NDUFAF2: variants seen among roughly 807,000 people sequenced by gnomAD.
NDUFAF2 encodes NADH dehydrogenase [ubiquinone] 1 alpha subcomplex assembly factor 2.
A neutral mutation model predicts 22.8 loss-of-function variants in NDUFAF2; 13 were observed. The observed-to-expected ratio is 0.57, with a 90% CI of 0.37 to 0.91. The LOEUF is 0.91. Among genes scored for constraint, NDUFAF2 ranks in the 40% least tolerant of loss-of-function variants. The pLI, the probability that NDUFAF2 is intolerant of heterozygous loss-of-function variation, is 0.01. For missense variants in NDUFAF2, 162 were observed against 195.2 expected (o/e 0.83, Z 1.01); for synonymous variants, 53 against 64.2 (o/e 0.83, Z 0.84).
chr5:61,006,522 T>C (rs191841567), intron 1 of NDUFAF2, among the ~76,000 whole-genome samples: 120 of 152,264 alleles, frequency 7.9e-4, no homozygotes, highest in African/African-American at 2.7e-3. Context: ...AATCTATAAA[T>C]TACCTTGGGC....
At chr5:60,958,603 A>G (rs1750647609) in intron 1 of NDUFAF2, among the ~76,000 whole-genome samples, 1 of 152,150 alleles carries the variant, frequency 6.6e-6, no homozygotes, top group South Asian at 2.1e-4. Flanking sequence ...AATGTACTTT[A>G]TATGCATGTG....
intron 1 of NDUFAF2, among the ~76,000 whole-genome samples, chr5:60,988,302 T>C (rs1462913190): frequency 6.6e-6 from 1 of 152,180 alleles, no homozygotes; most frequent in Non-Finnish European, 1.5e-5. Context: ...TGAGAAAACA[T>C]TTCGTGTTCA....
At chr5:60,965,735 A>T (rs1321540161) in intron 1 of NDUFAF2, among the ~76,000 whole-genome samples, 1 of 152,182 alleles carries the variant, frequency 6.6e-6, no homozygotes, top group South Asian at 2.1e-4. Flanking sequence ...TCCATTGTGT[A>T]TATATACCAC....
At chr5:61,107,090 C>CACACACAT (rs918380662) in intron 3 of NDUFAF2, among the ~76,000 whole-genome samples, 8 of 146,044 alleles carry the variant, frequency 5.5e-5, no homozygotes, top group South Asian at 2.1e-4. Context: ...CACACACACA[C>CACACACAT]ATATATGCCT....
chr5:60,994,977 A>G (rs1580085596), intron 1 of NDUFAF2, among the ~76,000 whole-genome samples: 1 of 152,116 alleles, frequency 6.6e-6, no homozygotes, highest in African/African-American at 2.4e-5. Context: ...TCTGCTGTCA[A>G]GGGACTCTGC....
At chr5:61,043,024 A>G (rs1169831540) in intron 1 of NDUFAF2, among the ~76,000 whole-genome samples, 1 of 152,188 alleles carries the variant, frequency 6.6e-6, no homozygotes, top group East Asian at 1.9e-4. Flanking sequence ...GTTCAAGACA[A>G]GCCTGGCCAA....
intron 2 of NDUFAF2, among the ~76,000 whole-genome samples, chr5:61,084,014 T>A (rs967913300): frequency 6.6e-6 from 1 of 151,720 alleles, no homozygotes; most frequent in African/African-American, 2.4e-5. Flanking sequence ...TGAGTAGAAC[T>A]GGTAAAAGTG....
intron 1 of NDUFAF2, among the ~76,000 whole-genome samples, chr5:61,053,296 C>T (rs1331094986): frequency 6.6e-6 from 1 of 152,200 alleles, no homozygotes; most frequent in Non-Finnish European, 1.5e-5. Flanking sequence ...TTTGTTACTG[C>T]AGCTTAGCCA....
intron 3 of NDUFAF2, among the ~76,000 whole-genome samples, chr5:61,108,735 G>A (rs940978891): frequency 5.3e-5 from 8 of 152,078 alleles, no homozygotes; most frequent in Non-Finnish European, 1.0e-4. Flanking sequence ...CCTAATATAT[G>A]TTCTTGATAC....
intron 1 of NDUFAF2, among the ~76,000 whole-genome samples, chr5:61,023,562 C>A (rs566631281): frequency 2.6e-5 from 4 of 152,136 alleles, no homozygotes; most frequent in African/African-American, 4.8e-5. Context: ...TTTACATCTA[C>A]ATCTTTTGGT....
chr5:61,117,693 A>G (rs80296185), intron 3 of NDUFAF2, among the ~76,000 whole-genome samples: 1 of 152,152 alleles, frequency 6.6e-6, no homozygotes, highest in South Asian at 2.1e-4. Context: ...AAAAAAAAGA[A>G]TGTTAAAAAG....
chr5:61,108,218 T>C (rs1181057055), intron 3 of NDUFAF2, among the ~76,000 whole-genome samples: 1 of 148,938 alleles, frequency 6.7e-6, no homozygotes, highest in Non-Finnish European at 1.5e-5. Flanking sequence ...ATATACCCAG[T>C]AATGGGATGG....
intron 3 of NDUFAF2, among the ~76,000 whole-genome samples, chr5:61,133,779 C>T (rs1399194335): frequency 6.6e-6 from 1 of 152,156 alleles, no homozygotes; most frequent in African/African-American, 2.4e-5. Flanking sequence ...TCATTCATTT[C>T]GCAAATATGT....
intron 1 of NDUFAF2, among the ~76,000 whole-genome samples, chr5:60,947,633 G>C (rs1259035368): frequency 6.6e-6 from 1 of 151,902 alleles, no homozygotes; most frequent in Non-Finnish European, 1.5e-5. Context: ...GGGCATGGTG[G>C]CACGCGCCTG....
chr5:60,986,399 A>G (rs1284737715), intron 1 of NDUFAF2, among the ~76,000 whole-genome samples: 1 of 152,198 alleles, frequency 6.6e-6, no homozygotes, highest in African/African-American at 2.4e-5. Context: ...AAGGCAGAAA[A>G]CAAGAAGTTA....
chr5:61,078,046 C>T (rs1055995318), intron 2 of NDUFAF2, among the ~76,000 whole-genome samples: 9 of 152,164 alleles, frequency 5.9e-5, no homozygotes, highest in African/African-American at 2.2e-4. Context: ...GACATTACTT[C>T]CCTTTGTAAG....
chr5:60,989,498 C>T (rs2112584309), intron 1 of NDUFAF2, among the ~76,000 whole-genome samples: 1 of 152,272 alleles, frequency 6.6e-6, no homozygotes, highest in Non-Finnish European at 1.5e-5. Flanking sequence ...GACATGGAGT[C>T]AAGCACCCAT....
intron 1 of NDUFAF2, among the ~76,000 whole-genome samples, chr5:61,072,172 G>A (rs1004465968): frequency 5.9e-5 from 9 of 152,222 alleles, no homozygotes; most frequent in African/African-American, 1.4e-4. Flanking sequence ...AACAGCAGCA[G>A]CTGGTCTCTC....
At chr5:61,021,484 A>G (rs1751583309) in intron 1 of NDUFAF2, among the ~76,000 whole-genome samples, 1 of 152,110 alleles carries the variant, frequency 6.6e-6, no homozygotes, top group Non-Finnish European at 1.5e-5. Context: ...TCTTCATCTC[A>G]AGGCCCTTAA....
Sources: gnomAD v4.1 joint callset for allele counts (sites outside exome capture counted in the v4.1 genomes callset) on GRCh38, gnomAD v4.1.1 for gene constraint, MANE v1.5 for transcripts, NCBI Gene and HGNC (gene_info 2026-07-23, HGNC 2026-07-21) for gene names.